ROCK2: variants seen among roughly 807,000 people sequenced by gnomAD.
ROCK2 encodes rho-associated protein kinase 2.
Under a neutral mutation model 195.1 loss-of-function variants are expected in ROCK2, and 61 were observed. The ratio of observed to expected loss-of-function variants is 0.31; its 90% CI spans 0.25 to 0.39. ROCK2 has a LOEUF of 0.39. Ranked by LOEUF, ROCK2 falls within the 10% of genes least tolerant of loss-of-function variation. The probability of loss-of-function intolerance (pLI) is 1.00; values close to 1 mark genes in which losing one functional copy is unlikely to be tolerated. For missense variants in ROCK2, 1,109 were observed against 1,637.4 expected (o/e 0.68, Z 5.57); for synonymous variants, 504 against 545.5 (o/e 0.92, Z 1.06).
chr2:11,284,328 T>C (rs1667112518), intron 3 of ROCK2, among the ~76,000 whole-genome samples: 1 of 152,180 alleles, frequency 6.6e-6, no homozygotes, highest in Non-Finnish European at 1.5e-5. Context: ...TGGGCATATA[T>C]CATTGTGCAC....
intron 32 of ROCK2, among the ~76,000 whole-genome samples, chr2:11,191,030 T>C (rs1176422642): frequency 2.0e-5 from 3 of 152,180 alleles, no homozygotes; most frequent in African/African-American, 7.2e-5. Context: ...CTTGAGAGAT[T>C]AGTTTCAGAA....
At chr2:11,205,015 A>T (rs928471105) in intron 20 of ROCK2, among the ~76,000 whole-genome samples, 1 of 152,136 alleles carries the variant, frequency 6.6e-6, no homozygotes, top group African/African-American at 2.4e-5. Flanking sequence ...TGTATGTAGG[A>T]GTTTTCTCAC....
In ROCK2 at chr2:11,222,151, C is replaced by T. The variant is rs1664658405; in HGVS notation, c.1031G>A (p.Gly344Glu). 6.2e-7 allele frequency: 1 copy of T among 1,609,308 alleles called. No homozygotes were observed. Among genetic ancestry groups the T allele is most frequent in the African/African-American group, 1.3e-5 (1 of 74,914 alleles). ...TDREVRLGRN[G>E]VEEIRQHPFF... ...AGGATGCTGTCTGATTTCTTCCACC[C>T]CATTTCTCCCAAGTCGTACCTCCCT... Residue 344 changes from glycine (G) to glutamate (E), a missense_variant, in exon 8 of 33, where the codon GGG (glycine) becomes GAG (glutamate). By Grantham distance (98) the Gly-to-Glu change is moderately conservative. Transcript: ENST00000315872.
chr2:11,226,910 CAGAA>C (rs1431159085), intron 6 of ROCK2, among the ~76,000 whole-genome samples: 1 of 44,518 alleles, frequency 2.2e-5, no homozygotes, highest in Non-Finnish European at 5.0e-5. Context: ...GACCCTGCCT[CAGAA>C]AAAAAAAAAA....
chr2:11,225,784 T>C (rs2148083126), intron 6 of ROCK2, among the ~76,000 whole-genome samples: 1 of 152,258 alleles, frequency 6.6e-6, no homozygotes, highest in South Asian at 2.1e-4. Flanking sequence ...AGGCCAGAGA[T>C]GGGAGAACGG....
intron 1 of ROCK2, among the ~76,000 whole-genome samples, chr2:11,328,304 T>G (rs1446701120): frequency 2.6e-5 from 4 of 152,022 alleles, no homozygotes; most frequent in Non-Finnish European, 5.9e-5. Flanking sequence ...TATGCTACAT[T>G]TGGGGGGGGA....
chr2:11,218,420 T>C, intron 11 of ROCK2, 35 bp downstream of exon 11: 1 of 1,539,218 alleles, frequency 6.5e-7, no homozygotes, highest in Non-Finnish European at 8.8e-7. Context: ...TGAGCTTTTC[T>C]CAGTTTTTCA....
intron 3 of ROCK2, among the ~76,000 whole-genome samples, chr2:11,270,055 C>A (rs888601710): frequency 6.6e-6 from 1 of 152,316 alleles, no homozygotes; most frequent in South Asian, 2.1e-4. Flanking sequence ...CACCCAGCCA[C>A]CCCATCACTT....
chr2:11,258,401 C>G (rs1267545792), intron 3 of ROCK2, among the ~76,000 whole-genome samples: 2 of 151,508 alleles, frequency 1.3e-5, no homozygotes, highest in African/African-American at 4.9e-5. Context: ...AAGCCAAAAT[C>G]TCCTTTCAAG....
chr2:11,245,545 C>T (rs1331311730), intron 4 of ROCK2, among the ~76,000 whole-genome samples: 6 of 152,106 alleles, frequency 3.9e-5, no homozygotes, highest in African/African-American at 1.4e-4. Context: ...ATCAAAATGT[C>T]AAATGTGCAT....
Position 11,249,803 on chromosome 2 carries a change from T to C in ROCK2, c.325-5A>G. On this transcript the variant is annotated splice_region_variant and splice_polypyrimidine_tract_variant and intron_variant, in intron 3 of 32. Transcript: ENST00000315872. ...CTGCGATGCCTTGTGACGAACCTGT[T>C]GATTTTTGAAAACACAAAAATTAAT... 1 of 1,499,796 alleles carries C rather than the reference T, an allele frequency of 6.7e-7. No homozygotes were observed. The highest frequency in any genetic ancestry group is 8.9e-7 in the Non-Finnish European group (1 of 1,129,080). 92.9% of individuals were successfully genotyped at this position (1,499,796 alleles called of 1,614,324 possible). A position where few individuals can be genotyped will look rare whatever the true frequency, so the allele number is the denominator to read the frequency against.
chr2:11,242,037 A>T lies in ROCK2; in HGVS notation c.463-6075T>A, dbSNP rs1665445234. 2.6e-5 allele frequency among the ~76,000 whole-genome samples: 4 copies of T among 152,164 alleles called. No individual in the cohort carries two copies. In the South Asian group the frequency reaches 8.3e-4, roughly 32 times the overall value. Reference sequence around the variant, plus strand: ...TGAGGACACAGAGACAAGGTGCCATATATAACAAAGTGGATTCTCACCAGA... The same window carrying T: ...TGAGGACACAGAGACAAGGTGCCATTTATAACAAAGTGGATTCTCACCAGA... On this transcript the variant is annotated intron_variant, in intron 4 of 32. Coordinates refer to ENST00000315872, the MANE Select transcript of ROCK2 (RefSeq NM_004850.5).
chr2:11,214,865 T>C lies in ROCK2; in HGVS notation c.1911A>G (p.Gly637=). ...LESERRDRTH[G]SEIINDLQGR... is the part of the protein sequence containing the mutation. ...CTTGTAAATCATTAATTATCTCTGATCCATGGGTTCGATCCCTCCTTTCAG... is the reference window on the plus strand; with the variant it reads ...CTTGTAAATCATTAATTATCTCTGACCCATGGGTTCGATCCCTCCTTTCAG... The change falls in exon 16 of 33, where the codon GGA becomes GGG. Residue 637 remains glycine, a synonymous_variant. Coordinates refer to ENST00000315872, the MANE Select transcript of ROCK2 (RefSeq NM_004850.5). 1 of 1,612,066 alleles carries C rather than the reference T, an allele frequency of 6.2e-7. No individual in the cohort carries two copies. Among genetic ancestry groups the C allele is most frequent in the Non-Finnish European group, 8.5e-7 (1 of 1,179,602 alleles).
intron 32 of ROCK2, among the ~76,000 whole-genome samples, chr2:11,186,861 T>C (rs1663217723): frequency 6.6e-6 from 1 of 152,200 alleles, no homozygotes; most frequent in African/African-American, 2.4e-5. Context: ...TTGAGATCTT[T>C]CTTAATGTCC....
At chr2:11,265,976 A>G (rs529552791) in intron 3 of ROCK2, among the ~76,000 whole-genome samples, 1 of 151,996 alleles carries the variant, frequency 6.6e-6, no homozygotes, top group Non-Finnish European at 1.5e-5. Context: ...GGCGGTACAC[A>G]CCTGTGGTCC....
At chr2:11,219,297 C>T (rs1664541364) in intron 9 of ROCK2, among the ~76,000 whole-genome samples, 2 of 131,422 alleles carry the variant, frequency 1.5e-5, no homozygotes, top group African/African-American at 3.0e-5. Flanking sequence ...GTCAGGAGTT[C>T]GAGACCAGTG....
chr2:11,331,307 T>C (rs1017606402), intron 1 of ROCK2, among the ~76,000 whole-genome samples: 2 of 152,154 alleles, frequency 1.3e-5, no homozygotes, highest in African/African-American at 4.8e-5. Flanking sequence ...GTGCCACCTG[T>C]GAACAAGAAC....
At position 11,192,118 on chromosome 2, in the gene ROCK2, TTTTTTCCTTACCACATTTTAG is replaced by T; in HGVS notation, c.4163+9_4163+29del. The T allele has an allele frequency of 6.9e-7, 1 of 1,457,000 alleles. No homozygotes were observed. The highest frequency in any genetic ancestry group is 2.2e-5 in the Admixed American group (1 of 44,728). The allele number at this position is 1,457,000 out of a possible 1,614,324, so 90.3% of individuals were successfully genotyped here. On this transcript the variant is annotated intron_variant, in intron 32 of 32. Coordinates refer to ENST00000315872, the MANE Select transcript of ROCK2 (RefSeq NM_004850.5). The surrounding 1 kb of genome is among the most constrained non-coding windows in gnomAD (Gnocchi z 5.0). ...AGCAAAATATTTTAATAGACTTTTT[TTTTTTCCTTACCACATTTTAG>T]TTTATTACCTAGGTTTGTTTGGGGC...
intron 5 of ROCK2, among the ~76,000 whole-genome samples, chr2:11,228,219 T>C (rs559600489): frequency 6.6e-6 from 1 of 152,288 alleles, no homozygotes; most frequent in South Asian, 2.1e-4. Flanking sequence ...TTATTTCCTT[T>C]ACCTGCCCAG....
Sources: gnomAD v4.1 joint callset for allele counts (sites outside exome capture counted in the v4.1 genomes callset) on GRCh38, gnomAD v4.1.1 for gene constraint, Gnocchi (gnomAD v3.1) non-coding constraint, MANE v1.5 for transcripts, NCBI Gene and HGNC (gene_info 2026-07-23, HGNC 2026-07-21) for gene names.